EYS: variants seen among roughly 807,000 people sequenced by gnomAD.
The protein encoded by EYS is protein eyes shut homolog.
Under a neutral mutation model 282.1 loss-of-function variants are expected in EYS, and 250 were observed. The observed-to-expected ratio is 0.89, with a 90% CI of 0.80 to 0.98. The LOEUF is 0.98. Among genes scored for constraint, EYS ranks in the 50% least tolerant of loss-of-function variants. The pLI is 0.00. For synonymous variants in EYS, 1,355 were observed against 1,282.9 expected (o/e 1.06, Z -1.20); for missense variants, 4,016 against 3,709.0 (o/e 1.08, Z -2.15).
chr6:64,736,333 A>G (rs1772180790), intron 22 of EYS, among the ~76,000 whole-genome samples: 1 of 152,176 alleles, frequency 6.6e-6, no homozygotes, highest in South Asian at 2.1e-4. Context: ...ATTTTTGAGT[A>G]TTGAATGAAC....
Position 64,411,917 on chromosome 6 carries a change from G to T in EYS, c.5928-23077C>A, listed in dbSNP as rs1212583070. On this transcript the variant is annotated intron_variant, in intron 28 of 42. Transcript: ENST00000503581. ...TATATATGTATATATGTTTATATAT[G>T]CATGCATGTATGTATATATGTTTAT... Among the ~76,000 whole-genome samples the T allele has an allele frequency of 2.6e-5, 4 of 150,984 alleles. 1 individual carries two copies. The highest frequency in any genetic ancestry group is 6.6e-5 in the Admixed American group (1 of 15,092).
intron 31 of EYS, among the ~76,000 whole-genome samples, chr6:64,154,659 T>C (rs1001823464): frequency 5.3e-5 from 8 of 151,870 alleles, no homozygotes; most frequent in Non-Finnish European, 1.2e-4. Flanking sequence ...AAATAGAAAA[T>C]GCAAAAAAGA....
At chr6:65,011,217 T>G (rs748036871) in intron 13 of EYS, among the ~76,000 whole-genome samples, 4 of 152,198 alleles carry the variant, frequency 2.6e-5, no homozygotes, top group African/African-American at 4.8e-5. Flanking sequence ...CACTTAGGCA[T>G]AGATAGCACC....
intron 16 of EYS, among the ~76,000 whole-genome samples, chr6:64,907,068 T>C (rs910915701): frequency 9.2e-5 from 14 of 152,160 alleles, no homozygotes; most frequent in East Asian, 1.9e-4. Context: ...TTTTTTATTA[T>C]TAGAGACAAG....
chr6:64,357,326 C>CTCTTG (rs2307847), intron 29 of EYS, among the ~76,000 whole-genome samples: 108,077 of 150,788 alleles, frequency 0.72, 38,921 homozygotes, highest in African/African-American at 0.79. Context: ...TATGAGCAGC[C>CTCTTG]TCTTATTTCC....
At chr6:63,966,952 A>G (rs1012784612) in intron 35 of EYS, among the ~76,000 whole-genome samples, 2 of 152,164 alleles carry the variant, frequency 1.3e-5, no homozygotes, top group Non-Finnish European at 2.9e-5. Context: ...GGACTTTTAT[A>G]TATGTATATA....
At chr6:64,402,984 C>T (rs1237500983) in intron 28 of EYS, among the ~76,000 whole-genome samples, 2 of 151,954 alleles carry the variant, frequency 1.3e-5, no homozygotes, top group South Asian at 4.1e-4. Context: ...GTTAATACTC[C>T]ACATTAATCA....
At chr6:64,920,434 T>C (rs1768302152) in intron 15 of EYS, among the ~76,000 whole-genome samples, 1 of 152,156 alleles carries the variant, frequency 6.6e-6, no homozygotes, top group Non-Finnish European at 1.5e-5. Context: ...CTTAATGGTG[T>C]GTGTGTGTAA....
intron 22 of EYS, among the ~76,000 whole-genome samples, chr6:64,726,202 C>T (rs1368878230): frequency 1.3e-5 from 2 of 152,076 alleles, no homozygotes; most frequent in Admixed American, 6.6e-5. Context: ...TTGCTCTATA[C>T]ACTCTTTCCC....
rs1039444136 is a variant in EYS, at chr6:64,553,549, C to A, written c.5644+36674G>T. On this transcript the variant is annotated intron_variant, in intron 26 of 42. Transcript: ENST00000503581. Reference sequence around the variant, plus strand: ...AACATCTGTGACTTTTGTTTGACCCCCCCCCCCCCATAGGCAGTTACAAGG... The same window carrying A: ...AACATCTGTGACTTTTGTTTGACCCACCCCCCCCCATAGGCAGTTACAAGG... Among the ~76,000 whole-genome samples, 4 of 118,356 alleles carry A rather than the reference C, an allele frequency of 3.4e-5. 1 individual carries two copies. Among genetic ancestry groups the A allele is most frequent in the African/African-American group, 6.7e-5 (2 of 29,934 alleles). 77.6% of individuals were successfully genotyped at this position (118,356 alleles called of 152,430 possible). A position where few individuals can be genotyped will look rare whatever the true frequency, so the allele number is the denominator to read the frequency against.
At chr6:64,106,869 CT>C (rs199877036) in intron 31 of EYS, among the ~76,000 whole-genome samples, 6 of 150,568 alleles carry the variant, frequency 4.0e-5, no homozygotes, top group African/African-American at 9.8e-5. Flanking sequence ...TTTTCCCAGT[CT>C]TTTTTTTTCT....
At position 64,066,413 on chromosome 6, in the gene EYS, C is replaced by T. The variant is rs775716957; in HGVS notation, c.6650G>A (p.Gly2217Glu). ...AACAGTCAAAATATTTTGAGAATTT[C>T]CACACCCATATTTAACTGATGGCCT... ...EGRPSVKYGC[G>E]NSQNILTVSA... Residue 2217 changes from glycine (G) to glutamate (E), a missense_variant, in exon 33 of 43, where the codon GGA becomes GAA. Transcript: ENST00000503581. The T allele has an allele frequency of 6.4e-7, 1 of 1,550,418 alleles. No individual in the cohort carries two copies. The highest frequency in any genetic ancestry group is 1.2e-5 in the South Asian group (1 of 83,986).
At chr6:65,684,454 C>A (rs1445811081) in intron 1 of EYS, among the ~76,000 whole-genome samples, 1 of 151,994 alleles carries the variant, frequency 6.6e-6, no homozygotes, top group Admixed American at 6.6e-5. Flanking sequence ...CCCGCCAGCA[C>A]CTTCTTTCTC....
intron 12 of EYS, among the ~76,000 whole-genome samples, chr6:65,177,855 A>T (rs1280359519): frequency 6.6e-6 from 1 of 151,904 alleles, no homozygotes; most frequent in Non-Finnish European, 1.5e-5. Flanking sequence ...CATTGTAAAA[A>T]TGCCTTCCAG....
intron 36 of EYS, among the ~76,000 whole-genome samples, chr6:63,815,511 C>A (rs988991522): frequency 6.6e-6 from 1 of 152,062 alleles, no homozygotes; most frequent in Admixed American, 6.6e-5. Flanking sequence ...GACTATCTAC[C>A]ACTTTACTTT....
intron 22 of EYS, among the ~76,000 whole-genome samples, chr6:64,796,991 C>T (rs1370821247): frequency 1.3e-5 from 2 of 152,062 alleles, no homozygotes; most frequent in Non-Finnish European, 2.9e-5. Context: ...ATTGTGAGTG[C>T]TTCCCATGGT....
chr6:65,677,551 AAAG>A (rs1768664354), intron 1 of EYS, among the ~76,000 whole-genome samples: 2 of 152,162 alleles, frequency 1.3e-5, no homozygotes, highest in South Asian at 4.1e-4. Context: ...GAAAGAAATT[AAAG>A]GAGACACAAA....
At position 65,660,644 on chromosome 6, in the gene EYS, C is replaced by G. The variant is rs773251329; in HGVS notation, c.-447-20752G>C. On this transcript the variant is annotated intron_variant, in intron 1 of 42. Coordinates refer to ENST00000503581, the MANE Select transcript of EYS (RefSeq NM_001142800.2). ...GTATACTCACACAAACACACTCACA[C>G]GCAATTATATATTTTTAGTACCCTA... 4.0e-5 allele frequency among the ~76,000 whole-genome samples: 6 copies of G among 151,672 alleles called. No individual in the cohort carries two copies. The South Asian group carries it at 1.2e-3, about 31-fold the overall frequency.
chr6:64,522,257 T>C (rs908384107), intron 26 of EYS, among the ~76,000 whole-genome samples: 2 of 151,752 alleles, frequency 1.3e-5, no homozygotes, highest in African/African-American at 2.4e-5. Flanking sequence ...ATTTTATGTA[T>C]TTTTTAGGGC....
Sources: allele counts gnomAD v4.1 joint callset (sites outside exome capture counted in the v4.1 genomes callset), GRCh38; gene constraint gnomAD v4.1.1; transcripts MANE v1.5; gene names NCBI Gene and HGNC (gene_info 2026-07-23, HGNC 2026-07-21).